RAPGEF1: variants seen among roughly 807,000 people sequenced by gnomAD.
RAPGEF1 encodes Rap guanine nucleotide exchange factor 1.
A neutral mutation model predicts 143.3 loss-of-function variants in RAPGEF1; 33 were observed. The ratio of observed to expected loss-of-function variants is 0.23; its 90% CI spans 0.17 to 0.31. The LOEUF is 0.31. Ranked by LOEUF, RAPGEF1 falls within the 10% of genes least tolerant of loss-of-function variation. RAPGEF1 has a pLI of 1.00. For missense variants in RAPGEF1, 1,199 were observed against 1,645.4 expected (o/e 0.73, Z 4.69); for synonymous variants, 629 against 676.5 (o/e 0.93, Z 1.09).
At chr9:131,646,087 G>A (rs539633807) in intron 3 of RAPGEF1, among the ~76,000 whole-genome samples, 155 of 152,310 alleles carry the variant, frequency 1.0e-3, no homozygotes, top group African/African-American at 3.5e-3. Flanking sequence ...AGGCCAGATC[G>A]TAGCTACCAC....
rs185669083 is a variant in RAPGEF1, at chr9:131,667,795, G to A, written c.62-16846C>T. Among the ~76,000 whole-genome samples the A allele has an allele frequency of 6.6e-6, 1 of 152,230 alleles. No individual in the cohort carries two copies. The highest frequency in any genetic ancestry group is 1.5e-5 in the Non-Finnish European group (1 of 68,008). The stretch of plus-strand genomic sequence containing the variant: ...CATCTTGTGTGATGCTGAGTCAGCT[G>A]GCCTCCCTGGGGCTTGCTTTTCTCT... On this transcript the variant is annotated intron_variant, in intron 1 of 26. Coordinates refer to ENST00000683357, the MANE Select transcript of RAPGEF1 (RefSeq NM_001377935.1). This position sits in a 1 kb window ranked among gnomAD's most constrained non-coding sequence, Gnocchi z 4.6.
intron 12 of RAPGEF1, among the ~76,000 whole-genome samples, chr9:131,617,852 G>A (rs949739984): frequency 5.3e-5 from 8 of 152,220 alleles, no homozygotes; most frequent in Admixed American, 2.6e-4. Context: ...AGTGGGACTC[G>A]AAATTGTTCT....
In RAPGEF1 at chr9:131,580,302, T is replaced by A; in HGVS notation, c.3602A>T (p.Gln1201Leu). 7 of 1,614,016 alleles carry A rather than the reference T, an allele frequency of 4.3e-6. No individual in the cohort carries two copies. The highest frequency in any genetic ancestry group is 5.1e-6 in the Non-Finnish European group (6 of 1,179,882). Reference sequence around the variant, plus strand: ...GCGCATGCTGTCGAGGATGTTGAACTGCTGCCACCGCTTGGAGAAGTTCAC... The same window carrying A: ...GCGCATGCTGTCGAGGATGTTGAACAGCTGCCACCGCTTGGAGAAGTTCAC... ...GKVNFSKRWQ[Q>L]FNILDSMRCF... is the part of the protein sequence containing the mutation. Residue 1201 changes from glutamine to leucine, a missense_variant, in exon 26 of 27, where the codon CAG becomes CTG. Transcript: ENST00000683357.
intron 1 of RAPGEF1, among the ~76,000 whole-genome samples, chr9:131,701,581 T>C (rs1474841981): frequency 6.6e-6 from 1 of 152,242 alleles, no homozygotes; most frequent in East Asian, 1.9e-4. Flanking sequence ...TTACATATAT[T>C]ATTGCATCAT....
chr9:131,625,151 C>A (rs1474234331), intron 10 of RAPGEF1, among the ~76,000 whole-genome samples: 5 of 152,154 alleles, frequency 3.3e-5, no homozygotes, highest in Non-Finnish European at 7.4e-5. Flanking sequence ...GCTAATGTGA[C>A]CACACACATT....
intron 5 of RAPGEF1, among the ~76,000 whole-genome samples, chr9:131,633,510 G>T (rs969350837): frequency 6.6e-5 from 10 of 152,190 alleles, no homozygotes; most frequent in Admixed American, 2.6e-4. Flanking sequence ...AACATTCCTG[G>T]TTCTTCATTG....
chr9:131,705,286 G>A (rs1268067861), intron 1 of RAPGEF1, among the ~76,000 whole-genome samples: 1 of 152,162 alleles, frequency 6.6e-6, no homozygotes, highest in Non-Finnish European at 1.5e-5. Flanking sequence ...CAGGCACCGT[G>A]CAAGTGCTGG....
intron 1 of RAPGEF1, among the ~76,000 whole-genome samples, chr9:131,668,701 G>A (rs1267411432): frequency 6.6e-6 from 1 of 152,200 alleles, no homozygotes; most frequent in African/African-American, 2.4e-5. Context: ...ATCTAGAGAT[G>A]AAAACCACAG....
intron 12 of RAPGEF1, among the ~76,000 whole-genome samples, chr9:131,608,119 C>A (rs1160847896): frequency 6.6e-6 from 1 of 152,186 alleles, no homozygotes; most frequent in African/African-American, 2.4e-5. Flanking sequence ...TCAAGCTGTT[C>A]ATCTTTAAAA....
In RAPGEF1 at chr9:131,679,689, C is replaced by T. The variant is rs116081475; in HGVS notation, c.62-28740G>A. Among the ~76,000 whole-genome samples, 462 of 152,342 alleles carry T rather than the reference C, an allele frequency of 3.0e-3. 4 individuals carry two copies. Among genetic ancestry groups the T allele is most frequent in the African/African-American group, 9.9e-3 (413 of 41,576 alleles). ...CTGAAAGGCTGCAATGAGGGTACTA[C>T]GCAGCGGGGACTCCGCCAGGGAAGG... is the stretch of plus-strand genomic sequence containing the variant. On this transcript the variant is annotated intron_variant, in intron 1 of 26. Transcript: ENST00000683357.
chr9:131,678,454 AAT>A (rs772283984), intron 1 of RAPGEF1, among the ~76,000 whole-genome samples: 23 of 152,376 alleles, frequency 1.5e-4, no homozygotes, highest in Middle Eastern at 6.8e-3. Context: ...ACAAAAAATC[AAT>A]AGTCTGATAA....
chr9:131,611,304 C>T (rs1442741152), intron 12 of RAPGEF1, among the ~76,000 whole-genome samples: 1 of 152,182 alleles, frequency 6.6e-6, no homozygotes, highest in African/African-American at 2.4e-5. Flanking sequence ...AATATCTTCT[C>T]CCTTTTCAAA....
intron 12 of RAPGEF1, among the ~76,000 whole-genome samples, chr9:131,606,398 CTT>C (rs1957120475): frequency 6.6e-6 from 1 of 152,204 alleles, no homozygotes; most frequent in Non-Finnish European, 1.5e-5. Flanking sequence ...GTCCAAAGTC[CTT>C]GCAGATATGG....
chr9:131,588,213 C>T (rs184149301), intron 20 of RAPGEF1, among the ~76,000 whole-genome samples, 187 bp from the exon 21 acceptor site: 19 of 152,354 alleles, frequency 1.2e-4, no homozygotes, highest in East Asian at 7.7e-4. Context: ...CTCTCCGGGA[C>T]GACACTGTCT....
At chr9:131,644,093 C>T (rs989977171) in intron 3 of RAPGEF1, among the ~76,000 whole-genome samples, 4 of 152,152 alleles carry the variant, frequency 2.6e-5, no homozygotes, top group African/African-American at 9.7e-5. Flanking sequence ...ATGCAGTGGG[C>T]GCTAGCAGCA....
chr9:131,702,476 TTC>T (rs1834733479), intron 1 of RAPGEF1, among the ~76,000 whole-genome samples: 4 of 152,346 alleles, frequency 2.6e-5, no homozygotes, highest in Admixed American at 2.6e-4. Context: ...CCCATACCCT[TTC>T]TCTGAGTCCC....
At chr9:131,614,834 G>GT (rs5900947) in intron 12 of RAPGEF1, among the ~76,000 whole-genome samples, 31,286 of 146,114 alleles carry the variant, frequency 0.21, 3,907 homozygotes, top group Non-Finnish European at 0.3. Context: ...TTAGCCTGAA[G>GT]TTTTTTTTTT....
intron 3 of RAPGEF1, among the ~76,000 whole-genome samples, chr9:131,647,561 G>C (rs1447629624): frequency 6.6e-6 from 1 of 152,170 alleles, no homozygotes; most frequent in Non-Finnish European, 1.5e-5. Flanking sequence ...GAGAGCTAAT[G>C]AATAATCAAC....
intron 1 of RAPGEF1, among the ~76,000 whole-genome samples, chr9:131,720,902 T>C (rs1375738020): frequency 1.3e-5 from 2 of 152,220 alleles, no homozygotes; most frequent in African/African-American, 4.8e-5. Context: ...ATCCCTTTTA[T>C]CCATTCCAAA....
Sources: allele counts gnomAD v4.1 joint callset (sites outside exome capture counted in the v4.1 genomes callset), GRCh38; gene constraint gnomAD v4.1.1; non-coding constraint Gnocchi (gnomAD v3.1); transcripts MANE v1.5; gene names NCBI Gene and HGNC (gene_info 2026-07-23, HGNC 2026-07-21).